The following SLC9A9 variants were observed in gnomAD, a reference collection of about 807,000 sequenced individuals.
The protein encoded by SLC9A9 is solute carrier family 9 member A9, also known as sodium/hydrogen exchanger 9.
SLC9A9 carries 62 observed loss-of-function variants against 77.8 expected under a neutral mutation model. The ratio of observed to expected loss-of-function variants is 0.80; its 90% confidence interval spans 0.65 to 0.98. The LOEUF (loss-of-function observed/expected upper bound fraction) is 0.98, where lower values mean the gene tolerates loss of function less well. Among genes scored for constraint, SLC9A9 ranks in the 50% least tolerant of loss-of-function variants. SLC9A9 has a pLI of 0.00. For synonymous variants in SLC9A9, 320 were observed against 283.5 expected (o/e 1.13, Z -1.29); for missense variants, 775 against 774.9 (o/e 1.00, Z 0.00).
chr3:143,807,845 G>A (rs533255841), intron 2 of SLC9A9, among the ~76,000 whole-genome samples: 8 of 152,374 alleles, frequency 5.3e-5, no homozygotes, highest in African/African-American at 1.9e-4. Context: ...AGCATGGGCA[G>A]ATGGGGTTGA....
chr3:143,511,413 G>T (rs2036113581), intron 9 of SLC9A9, among the ~76,000 whole-genome samples: 1 of 152,194 alleles, frequency 6.6e-6, no homozygotes, highest in African/African-American at 2.4e-5. Context: ...TAATTGGGGA[G>T]GAAGGAGCCA....
chr3:143,719,868 A>G (rs1934452222), intron 4 of SLC9A9, among the ~76,000 whole-genome samples: 1 of 152,120 alleles, frequency 6.6e-6, no homozygotes. Flanking sequence ...CAATCAAAGA[A>G]ATCAATCGGA....
At chr3:143,415,820 G>A (rs540110088) in intron 12 of SLC9A9, among the ~76,000 whole-genome samples, 25 of 152,276 alleles carry the variant, frequency 1.6e-4, no homozygotes, top group Admixed American at 5.9e-4. Flanking sequence ...CACTATCTGG[G>A]CAAAGCAAAT....
intron 14 of SLC9A9, among the ~76,000 whole-genome samples, chr3:143,322,272 A>G (rs1255789784): frequency 2.0e-5 from 3 of 152,190 alleles, no homozygotes; most frequent in African/African-American, 4.8e-5. Flanking sequence ...GACCATTATA[A>G]TGTGGGTGGA....
chr3:143,470,753 T>A (rs970259180), intron 11 of SLC9A9, among the ~76,000 whole-genome samples: 6 of 152,194 alleles, frequency 3.9e-5, no homozygotes, highest in African/African-American at 1.4e-4. Context: ...TGCTGGATAT[T>A]AAGGGCAAGG....
chr3:143,751,698 C>T (rs1415201317), intron 4 of SLC9A9, among the ~76,000 whole-genome samples: 1 of 152,128 alleles, frequency 6.6e-6, no homozygotes, highest in African/African-American at 2.4e-5. Flanking sequence ...GGGTTGGCTT[C>T]CAAGGGAGCC....
rs117837607 is a variant in SLC9A9, at chr3:143,546,505, A to G, written c.1089+5857T>C. ...CAAAAAGAGCAGAATCAAATACTAT[A>G]TAAAGTAAATGACTAATTATCTGAA... On this transcript the variant is annotated intron_variant, in intron 9 of 15. Transcript: ENST00000316549. 5.3e-4 allele frequency among the ~76,000 whole-genome samples: 81 copies of G among 152,362 alleles called. 1 individual carries two copies. The East Asian group carries it at 0.012, about 22-fold the overall frequency.
At chr3:143,734,460 G>A (rs774694229) in intron 4 of SLC9A9, among the ~76,000 whole-genome samples, 3 of 152,182 alleles carry the variant, frequency 2.0e-5, no homozygotes, top group Non-Finnish European at 2.9e-5. Flanking sequence ...CCTTGGCTGG[G>A]TGCAGTGGCT....
intron 11 of SLC9A9, among the ~76,000 whole-genome samples, chr3:143,482,493 T>C (rs1005794998): frequency 2.6e-5 from 4 of 152,214 alleles, no homozygotes; most frequent in African/African-American, 9.7e-5. Flanking sequence ...TGAGAAACAG[T>C]GTTCGCTGAC....
At chr3:143,501,137 TG>T (rs1354485182) in intron 9 of SLC9A9, among the ~76,000 whole-genome samples, 1 of 150,714 alleles carries the variant, frequency 6.6e-6, no homozygotes, top group Non-Finnish European at 1.5e-5. Flanking sequence ...AAGAATTGTT[TG>T]TATTAGTAAA....
chr3:143,811,961 G>A (rs984443024), intron 2 of SLC9A9, among the ~76,000 whole-genome samples: 1 of 152,090 alleles, frequency 6.6e-6, no homozygotes, highest in African/African-American at 2.4e-5. Context: ...TTGAGAATAT[G>A]AGGCACAAGG....
At chr3:143,409,932 C>T (rs2034060300) in intron 12 of SLC9A9, among the ~76,000 whole-genome samples, 1 of 152,188 alleles carries the variant, frequency 6.6e-6, no homozygotes, top group Non-Finnish European at 1.5e-5. Context: ...TGAAGTGCTA[C>T]AGTTGAATTT....
At chr3:143,804,550 C>A (rs559315896) in intron 2 of SLC9A9, among the ~76,000 whole-genome samples, 1 of 152,266 alleles carries the variant, frequency 6.6e-6, no homozygotes, top group Non-Finnish European at 1.5e-5. Context: ...TACTTTGCAT[C>A]TCCAGTTTTG....
chr3:143,353,464 T>A (rs192843254), intron 14 of SLC9A9, among the ~76,000 whole-genome samples: 84 of 152,310 alleles, frequency 5.5e-4, no homozygotes, highest in East Asian at 4.6e-3. Flanking sequence ...AGAAAGTGAA[T>A]TCTGTGATCA....
At chr3:143,275,549 G>T (rs1309552275) in intron 14 of SLC9A9, among the ~76,000 whole-genome samples, 2 of 151,976 alleles carry the variant, frequency 1.3e-5, no homozygotes, top group African/African-American at 4.8e-5. Context: ...TTTTATTTCT[G>T]ATTTTTTTCT....
chr3:143,589,546 A>C (rs1390820529), intron 6 of SLC9A9, among the ~76,000 whole-genome samples: 1 of 152,222 alleles, frequency 6.6e-6, no homozygotes, highest in Non-Finnish European at 1.5e-5. Flanking sequence ...TGTAGCCTAG[A>C]AGATATAGGT....
chr3:143,313,717 T>G (rs571057806), intron 14 of SLC9A9, among the ~76,000 whole-genome samples: 41 of 152,290 alleles, frequency 2.7e-4, no homozygotes, highest in African/African-American at 9.4e-4. Context: ...TGGAAAACAC[T>G]CAGGTCTCCC....
chr3:143,407,313 C>T (rs1318046681), intron 12 of SLC9A9, among the ~76,000 whole-genome samples: 4 of 152,118 alleles, frequency 2.6e-5, no homozygotes, highest in East Asian at 3.8e-4. Context: ...TACAGCAGGA[C>T]TCTATACTGT....
intron 9 of SLC9A9, among the ~76,000 whole-genome samples, chr3:143,545,364 G>C (rs898838751): frequency 6.6e-6 from 1 of 152,074 alleles, no homozygotes; most frequent in Non-Finnish European, 1.5e-5. Context: ...GCCACATGTG[G>C]TTGTTTGTGC....
Sources: allele counts gnomAD v4.1 joint callset (sites outside exome capture counted in the v4.1 genomes callset), GRCh38; gene constraint gnomAD v4.1.1; transcripts MANE v1.5; gene names NCBI Gene and HGNC (gene_info 2026-07-23, HGNC 2026-07-21).